The following GLDN variants were observed in gnomAD, a reference collection of about 807,000 sequenced individuals.
GLDN encodes the protein gliomedin.
A neutral mutation model predicts 56.5 loss-of-function variants in GLDN; 47 were observed. The ratio of observed to expected loss-of-function variants is 0.83; its 90% CI spans 0.66 to 1.06. GLDN has a LOEUF of 1.06. Among genes scored for constraint, GLDN ranks in the 50% least tolerant of loss-of-function variants. The pLI is 0.00. For synonymous variants in GLDN, 332 were observed against 278.8 expected, an observed-to-expected ratio of 1.19 and a Z score of -1.90; for missense variants, 782 against 714.3, an observed-to-expected ratio of 1.09 and a Z score of -1.08.
downstream of GLDN, among the ~76,000 whole-genome samples, chr15:51,409,605 A>G (rs574643412): frequency 2.6e-4 from 40 of 152,336 alleles, no homozygotes; most frequent in East Asian, 7.5e-3. Context: ...GCAACATGGC[A>G]TTGTCAATGT....
rs775799843 is a variant in GLDN at position 51,377,449 on chromosome 15, A to T, written c.364A>T (p.Ile122Phe). The T allele has an allele frequency of 1.2e-6, 2 of 1,613,888 alleles. No homozygotes were observed. The highest frequency in any genetic ancestry group is 1.7e-6 in the Non-Finnish European group (2 of 1,179,812). ...LMMMTYSMVP[I>F]RVMVDLCNST... ...TCTGATGACCCTCTCTCCCCTGCAG[A>T]TCCGAGTGATGGTGGACCTGTGCAA... Residue 122 changes from isoleucine (I) to phenylalanine (F), a missense_variant and splice_region_variant, in exon 2 of 10, where the codon ATC (isoleucine) becomes TTC (phenylalanine). Physicochemically the swap from Ile to Phe is conservative, Grantham distance 21. Coordinates refer to ENST00000335449, the MANE Select transcript of GLDN (RefSeq NM_181789.4).
downstream of GLDN, among the ~76,000 whole-genome samples, chr15:51,412,250 C>T (rs959370379): frequency 6.6e-6 from 1 of 152,190 alleles, no homozygotes; most frequent in African/African-American, 2.4e-5. Context: ...CACTAGAGTT[C>T]ATGCTTTTAG....
intron 1 of GLDN, among the ~76,000 whole-genome samples, chr15:51,367,749 T>C (rs1352200786): frequency 6.6e-6 from 1 of 152,194 alleles, no homozygotes; most frequent in Non-Finnish European, 1.5e-5. Flanking sequence ...TTAGCCTCCT[T>C]TACATATCAG....
intron 1 of GLDN, among the ~76,000 whole-genome samples, chr15:51,349,709 A>G (rs1488568432): frequency 6.6e-6 from 1 of 151,214 alleles, no homozygotes; most frequent in Non-Finnish European, 1.5e-5. Context: ...ACCTCCACTT[A>G]CATCGTAATT....
intron 1 of GLDN, among the ~76,000 whole-genome samples, chr15:51,359,882 G>A (rs991602989): frequency 6.6e-6 from 1 of 151,390 alleles, no homozygotes; most frequent in African/African-American, 2.4e-5. Context: ...GGGAGGCTGA[G>A]GCAGGAGAAT....
chr15:51,364,967 G>C (rs1261759970), intron 1 of GLDN, among the ~76,000 whole-genome samples: 9 of 152,172 alleles, frequency 5.9e-5, no homozygotes, highest in Non-Finnish European at 1.3e-4. Context: ...ATGTCCTACT[G>C]TTTATTTAGC....
At chr15:51,359,664 G>A (rs1176156057) in intron 1 of GLDN, among the ~76,000 whole-genome samples, 1 of 152,194 alleles carries the variant, frequency 6.6e-6, no homozygotes, top group African/African-American at 2.4e-5. Flanking sequence ...TTTTTAGAGA[G>A]GCTAAGGGAG....
chr15:51,379,687 G>A (rs991674838), intron 2 of GLDN, among the ~76,000 whole-genome samples: 17 of 152,022 alleles, frequency 1.1e-4, no homozygotes, highest in Non-Finnish European at 2.5e-4. Context: ...GATTTCAAGG[G>A]AAAAAATATC....
rs146917232 is a variant in GLDN at position 51,401,664 on chromosome 15, T to G, written c.1099T>G (p.Tyr367Asp). 16 of 1,614,132 alleles carry G rather than the reference T, an allele frequency of 9.9e-6. No individual in the cohort carries two copies. The highest frequency in any genetic ancestry group is 1.3e-5 in the Non-Finnish European group (15 of 1,179,966). ...NGSYTFIHLP[Y>D]YFHGCGHVVY... ...CAGTTACACGTTCATCCACCTTCCA[T>G]ACTATTTCCATGGCTGTGGGCACGT... The change falls in exon 9 of 10, where the codon TAC becomes GAC. Residue 367 changes from tyrosine (Y) to aspartate (D), a missense_variant. By Grantham distance (160) the Tyr-to-Asp change is radical. Transcript: ENST00000335449.
rs1246246805 is a variant in GLDN at position 51,341,928 on chromosome 15, C to G, written c.244C>G (p.Pro82Ala). Residue 82 changes from proline (P) to alanine (A), a missense_variant, in exon 1 of 10, where the codon CCA (proline) becomes GCA (alanine). Coordinates refer to ENST00000335449, the MANE Select transcript of GLDN (RefSeq NM_181789.4). ...CCGCGCGCCGCGCGGGGCGTCCGCA[C>G]CACCCCAAGACCCGGCCAGCTCAGC... ...LSRAPRGASA[P>A]PQDPASSARN... is the part of the protein sequence containing the mutation. 6.3e-6 allele frequency: 10 copies of G among 1,596,122 alleles called. No homozygotes were observed. Among genetic ancestry groups the G allele is most frequent in the Non-Finnish European group, 7.6e-6 (9 of 1,178,938 alleles).
chr15:51,347,751 A>T (rs2037003984), intron 1 of GLDN, among the ~76,000 whole-genome samples: 1 of 152,244 alleles, frequency 6.6e-6, no homozygotes, highest in African/African-American at 2.4e-5. Context: ...GTACATATTC[A>T]TTGCAGAATA....
downstream of GLDN, among the ~76,000 whole-genome samples, chr15:51,411,664 A>G (rs887260900): frequency 6.6e-6 from 1 of 152,214 alleles, no homozygotes; most frequent in African/African-American, 2.4e-5. Context: ...TGGACACTGA[A>G]ATTTGAATTT....
rs1166813175 is a variant in GLDN, at chr15:51,383,882, A to C, written c.531A>C (p.Arg177Ser). Residue 177 changes from arginine (R) to serine (S), a missense_variant, in exon 4 of 10, where the codon AGA (arginine) becomes AGC (serine). Transcript: ENST00000335449. Reference protein sequence around the residue: ...PKGEKGANGKRGKMGIPGAAG... With the variant: ...PKGEKGANGKSGKMGIPGAAG... ...GAGAAAAAGGAGCAAATGGAAAAAG[A>C]GGAAAAATGGGTATTTTTGGCAACT... The C allele has an allele frequency of 1.2e-6, 2 of 1,606,714 alleles. No homozygotes were observed. Among genetic ancestry groups the C allele is most frequent in the Admixed American group, 3.4e-5 (2 of 59,056 alleles).
chr15:51,408,743 C>T (rs140163808), downstream of GLDN, among the ~76,000 whole-genome samples: 236 of 152,270 alleles, frequency 1.5e-3, 1 homozygote, highest in East Asian at 0.026. Context: ...CAAGTGTTCT[C>T]ATTGTTCAAT....
At position 51,353,794 on chromosome 15, in the gene GLDN, T is replaced by TCAC. The variant is rs553882245; in HGVS notation, c.363+11766_363+11768dup. On this transcript the variant is annotated intron_variant, in intron 1 of 9. Transcript: ENST00000335449. Reference sequence around the variant, plus strand: ...TTTATTCCCTCTACATTCCTCAAACTCACCACCACCACCACCACCACACAC... The same window carrying TCAC: ...TTTATTCCCTCTACATTCCTCAAACTCACCACCACCACCACCACCACCACACAC... 1.6e-3 allele frequency among the ~76,000 whole-genome samples: 206 copies of TCAC among 129,672 alleles called. 1 individual carries two copies. Among genetic ancestry groups the TCAC allele is most frequent in the African/African-American group, 5.7e-3 (192 of 33,586 alleles). The allele number at this position is 129,672 out of a possible 152,430, so 85.1% of individuals were successfully genotyped here.
intron 4 of GLDN, chr15:51,385,573 G>A (rs1310542074): frequency 6.6e-6 from 1 of 152,168 alleles, no homozygotes; most frequent in Non-Finnish European, 1.5e-5. Context: ...CTGTTCCATG[G>A]TGATAAATGC....
intron 1 of GLDN, among the ~76,000 whole-genome samples, chr15:51,351,951 T>C (rs1388185745): frequency 1.3e-5 from 2 of 152,182 alleles, no homozygotes; most frequent in East Asian, 3.8e-4. Flanking sequence ...AGGGAGATCA[T>C]ATAGGTGAAG....
intron 1 of GLDN, among the ~76,000 whole-genome samples, chr15:51,365,180 C>A (rs1355422449): frequency 6.6e-6 from 1 of 152,092 alleles, no homozygotes; most frequent in Non-Finnish European, 1.5e-5. Context: ...ACCACTGACA[C>A]CAAGAAGGGG....
intron 2 of GLDN, among the ~76,000 whole-genome samples, chr15:51,379,676 A>C (rs1360271334): frequency 1.3e-5 from 2 of 152,178 alleles, no homozygotes; most frequent in Admixed American, 6.5e-5. Context: ...AGCCAATTTT[A>C]GATTTCAAGG....
Sources: allele counts gnomAD v4.1 joint callset (sites outside exome capture counted in the v4.1 genomes callset), GRCh38; gene constraint gnomAD v4.1.1; transcripts MANE v1.5; gene names NCBI Gene and HGNC (gene_info 2026-07-23, HGNC 2026-07-21).